The following SMURF1 variants were observed in gnomAD, a reference collection of about 807,000 sequenced individuals.
The protein encoded by SMURF1 is E3 ubiquitin-protein ligase SMURF1.
A neutral mutation model predicts 98.0 loss-of-function variants in SMURF1; 44 were observed. That is an observed-to-expected ratio of 0.45 (90% CI 0.35 to 0.58). SMURF1 has a LOEUF of 0.58. Ranked by LOEUF, SMURF1 falls within the 20% of genes least tolerant of loss-of-function variation. The pLI is 0.00. For missense variants in SMURF1, 687 were observed against 938.4 expected (o/e 0.73, Z 3.50); for synonymous variants, 396 against 374.9 (o/e 1.06, Z -0.65).
At chr7:99,051,536 A>T in intron 7 of SMURF1, 95 bp from the exon 8 acceptor site, 2 of 952,032 alleles carry the variant, frequency 2.1e-6, no homozygotes, top group Non-Finnish European at 3.4e-6. Flanking sequence ...TATTATCTAA[A>T]TCTAGATAAC....
At chr7:99,035,423 T>C in intron 16 of SMURF1, 92 bp downstream of exon 16, 1 of 1,416,946 alleles carries the variant, frequency 7.1e-7, no homozygotes, top group East Asian at 2.4e-5. Context: ...CTAGCACACA[T>C]CTCAGAAAAA....
intron 1 of SMURF1, among the ~76,000 whole-genome samples, chr7:99,096,771 T>C (rs578209249): frequency 3.9e-5 from 6 of 152,300 alleles, no homozygotes; most frequent in Non-Finnish European, 7.4e-5. Flanking sequence ...AGCAAGGATA[T>C]ATATAGAAGA....
chr7:99,143,658 G>T (rs1798197295), intron 1 of SMURF1, 68 bp downstream of exon 1: 2 of 1,399,148 alleles, frequency 1.4e-6, no homozygotes, highest in Non-Finnish European at 1.9e-6. Context: ...TTCCAAGGGC[G>T]CCCTGCGGGG....
chr7:99,117,299 G>A (rs183907570), intron 1 of SMURF1, among the ~76,000 whole-genome samples: 33 of 152,152 alleles, frequency 2.2e-4, no homozygotes, highest in South Asian at 6.2e-4. Flanking sequence ...CTTTGGATTA[G>A]GTAATGATTT....
In SMURF1 at chr7:99,035,433, A is replaced by G. The variant is rs1245814782; in HGVS notation, c.2011+82T>C. 5 of 1,507,782 alleles carry G rather than the reference A, an allele frequency of 3.3e-6. No individual in the cohort carries two copies. In the Admixed American group the frequency reaches 9.1e-5, roughly 28 times the overall value. The allele number at this position is 1,507,782 out of a possible 1,614,324, so 93.4% of individuals were successfully genotyped here. ...ATTTTCTAGCACACATCTCAGAAAAACATCCCAGCCACCTTCCAGCTCTTC... is the reference window on the plus strand; with the variant it reads ...ATTTTCTAGCACACATCTCAGAAAAGCATCCCAGCCACCTTCCAGCTCTTC... On this transcript the variant is annotated intron_variant, in intron 16 of 17. Transcript: ENST00000361368.
At chr7:99,047,540 G>C in intron 10 of SMURF1, 144 bp downstream of exon 10, 1 of 802,340 alleles carries the variant, frequency 1.2e-6, no homozygotes, top group Non-Finnish European at 2.0e-6. Context: ...CAAACAGAAA[G>C]AAGGGTTCCC....
intron 3 of SMURF1, 54 bp from the exon 4 acceptor site, chr7:99,057,605 GTTT>G (rs548576398): frequency 2.2e-4 from 245 of 1,104,396 alleles, no homozygotes; most frequent in Admixed American, 1.2e-3. Flanking sequence ...TTTTTGTTTT[GTTT>G]TTTTTTTTTT....
chr7:99,134,097 CTTTTTTT>C lies in SMURF1; in HGVS notation c.55+9622_55+9628del, dbSNP rs5886094. On this transcript the variant is annotated intron_variant, in intron 1 of 17. Transcript: ENST00000361368. Reference sequence around the variant, plus strand: ...ATCAGGAAAAGTGCTTCTCCACCCACTTTTTTTTTTTTTTTTTTTTGAGACAGGGTCT... The same window carrying C: ...ATCAGGAAAAGTGCTTCTCCACCCACTTTTTTTTTTTTTGAGACAGGGTCT... 4.9e-5 allele frequency among the ~76,000 whole-genome samples: 5 copies of C among 102,198 alleles called. No homozygotes were observed. In the South Asian group the frequency reaches 1.0e-3, roughly 21 times the overall value. The allele number at this position is 102,198 out of a possible 152,430, so 67.0% of individuals were successfully genotyped here.
At chr7:99,142,701 G>A (rs1229592019) in intron 1 of SMURF1, among the ~76,000 whole-genome samples, 1 of 142,712 alleles carries the variant, frequency 7.0e-6, no homozygotes, top group Non-Finnish European at 1.5e-5. Context: ...GGGGCAGGAG[G>A]GGAGAAGCAA....
intron 11 of SMURF1, 68 bp from the exon 12 acceptor site, chr7:99,042,300 G>A (rs1206450317): frequency 2.4e-5 from 26 of 1,081,028 alleles, no homozygotes; most frequent in Non-Finnish European, 3.2e-5. Context: ...TTTTCCCTGA[G>A]ATGGAGTCTC....
chr7:99,094,048 G>A (rs1305635482), intron 1 of SMURF1, among the ~76,000 whole-genome samples: 3 of 152,150 alleles, frequency 2.0e-5, no homozygotes, highest in Non-Finnish European at 2.9e-5. Context: ...GTGTGTGTGC[G>A]TGATGTGTGT....
chr7:99,074,527 C>T (rs1186530747), intron 1 of SMURF1, among the ~76,000 whole-genome samples: 1 of 152,028 alleles, frequency 6.6e-6, no homozygotes, highest in East Asian at 1.9e-4. Flanking sequence ...CAACCCTTAC[C>T]TCACATCATA....
intron 1 of SMURF1, among the ~76,000 whole-genome samples, chr7:99,142,911 T>G (rs1241290679): frequency 2.4e-4 from 15 of 62,762 alleles, no homozygotes; most frequent in East Asian, 9.7e-4. Flanking sequence ...GCGGAGAGGA[T>G]GGGAAGCGAG....
intron 1 of SMURF1, among the ~76,000 whole-genome samples, chr7:99,109,646 C>A (rs187859052): frequency 1.3e-5 from 2 of 152,148 alleles, no homozygotes; most frequent in Non-Finnish European, 2.9e-5. Context: ...CCTTTGAACT[C>A]GTATATAACC....
intron 1 of SMURF1, among the ~76,000 whole-genome samples, chr7:99,111,132 A>C (rs1396060193): frequency 6.6e-6 from 1 of 152,218 alleles, no homozygotes. Flanking sequence ...CCTAGTCAAG[A>C]GGTAGTGGTA....
intron 1 of SMURF1, among the ~76,000 whole-genome samples, chr7:99,138,827 T>C (rs1584222706): frequency 6.6e-6 from 1 of 152,226 alleles, no homozygotes; most frequent in East Asian, 1.9e-4. Flanking sequence ...TGGCAGAATG[T>C]GATTCTTCTT....
intron 1 of SMURF1, among the ~76,000 whole-genome samples, chr7:99,106,339 GCCCCCCTGTAAA>G (rs1797192987): frequency 6.6e-6 from 1 of 152,058 alleles, no homozygotes; most frequent in South Asian, 2.1e-4. Context: ...ACTACTATAA[GCCCCCCTGTAAA>G]CCTATATCTA....
intron 3 of SMURF1, among the ~76,000 whole-genome samples, chr7:99,059,431 A>T (rs865968827): frequency 1.5e-5 from 2 of 132,186 alleles, no homozygotes; most frequent in Admixed American, 7.3e-5. Context: ...ATAAAATAAA[A>T]TAAAATAAAA....
At chr7:99,046,187 AAG>A (rs1302965457) in intron 10 of SMURF1, among the ~76,000 whole-genome samples, 11 of 151,086 alleles carry the variant, frequency 7.3e-5, no homozygotes, top group Non-Finnish European at 3.0e-5. Context: ...TCTGAATGCT[AAG>A]AGAGTTCTGA....
Sources: allele counts gnomAD v4.1 joint callset (sites outside exome capture counted in the v4.1 genomes callset), GRCh38; gene constraint gnomAD v4.1.1; transcripts MANE v1.5; gene names NCBI Gene and HGNC (gene_info 2026-07-23, HGNC 2026-07-21).